ARFGAP1: variants seen among roughly 807,000 people sequenced by gnomAD.
ARFGAP1 encodes the protein ADP-ribosylation factor GTPase-activating protein 1.
ARFGAP1 carries 26 observed loss-of-function variants against 54.0 expected under a neutral mutation model. The ratio of observed to expected loss-of-function variants is 0.48; its 90% CI spans 0.35 to 0.67. ARFGAP1 has a LOEUF of 0.67. ARFGAP1 is among the 30% of genes least tolerant of loss of function. The pLI, the probability that ARFGAP1 is intolerant of heterozygous loss-of-function variation, is 0.00. For synonymous variants in ARFGAP1, 248 were observed against 211.9 expected, an observed-to-expected ratio of 1.17 and a Z score of -1.48; for missense variants, 525 against 535.8, an observed-to-expected ratio of 0.98 and a Z score of 0.20.
chr20:63,280,744 G>A (rs1358262108), intron 7 of ARFGAP1, among the ~76,000 whole-genome samples: 2 of 152,230 alleles, frequency 1.3e-5, no homozygotes, highest in Non-Finnish European at 2.9e-5. Flanking sequence ...GCTGCTCTCT[G>A]GGGAAGGCAG....
At position 63,288,310 on chromosome 20, in the gene ARFGAP1, TTC is replaced by T. The variant is rs1435079387; in HGVS notation, c.*439_*440del. 6.6e-5 allele frequency: 31 copies of T among 466,246 alleles called. No homozygotes were observed. The highest frequency in any genetic ancestry group is 5.1e-5 in the Non-Finnish European group (12 of 234,054). 28.9% of individuals were successfully genotyped at this position (466,246 alleles called of 1,614,324 possible). On this transcript the variant is annotated 3_prime_UTR_variant, in exon 13 of 13. Transcript: ENST00000370283. ...ATATTTAACTTTGGTTTTGCTCTAG[TTC>T]TTTCTTTTTGAAGAGAGTGACTGGA...
At chr20:63,278,792 G>A in intron 6 of ARFGAP1, 107 bp from the exon 7 acceptor site, 1 of 993,190 alleles carries the variant, frequency 1.0e-6, no homozygotes. Flanking sequence ...TGGGGACGTT[G>A]GCACGTCCCC....
Position 63,276,873 on chromosome 20 carries a change from G to A in ARFGAP1, c.342+222G>A, listed in dbSNP as rs2067249372. 2 of 571,436 alleles carry A rather than the reference G, an allele frequency of 3.5e-6. No homozygotes were observed. The highest frequency in any genetic ancestry group is 6.1e-6 in the Non-Finnish European group (2 of 326,514). 35.4% of individuals were successfully genotyped at this position (571,436 alleles called of 1,614,324 possible). ...ACAGACCTTCCCCGCCTCCAGGGGA[G>A]AAAGCAGCTGTGACCGTTTATTGCC... is the stretch of plus-strand genomic sequence containing the variant. On this transcript the variant is annotated intron_variant, in intron 4 of 12. Transcript: ENST00000370283. This position sits in a 1 kb window ranked among gnomAD's most constrained non-coding sequence, Gnocchi z 5.2.
At chr20:63,286,196 G>C in intron 11 of ARFGAP1, 170 bp from the exon 12 acceptor site, 1 of 1,549,482 alleles carries the variant, frequency 6.5e-7, no homozygotes, top group Non-Finnish European at 8.7e-7. Flanking sequence ...CACCGCTGCA[G>C]AGTGGCCGGG....
intron 9 of ARFGAP1, chr20:63,284,355 A>T: frequency 9.4e-7 from 1 of 1,066,222 alleles, no homozygotes; most frequent in Non-Finnish European, 1.1e-6. Flanking sequence ...CTCACACCAC[A>T]TCCCCAGGTG....
chr20:63,276,471 G>A lies in ARFGAP1; in HGVS notation c.171-9G>A. The A allele has an allele frequency of 6.2e-7, 1 of 1,607,174 alleles. No homozygotes were observed. The highest frequency in any genetic ancestry group is 8.5e-7 in the Non-Finnish European group (1 of 1,175,910). ...TGCTGGTTGATCTGCTCGATCCTCT[G>A]CTTTCCAGCTTTGTGCGCTCTGTTA... is the stretch of plus-strand genomic sequence containing the variant. On this transcript the variant is annotated splice_polypyrimidine_tract_variant and intron_variant, in intron 3 of 12. Coordinates refer to ENST00000370283, the MANE Select transcript of ARFGAP1 (RefSeq NM_018209.4). This position sits in a 1 kb window ranked among gnomAD's most constrained non-coding sequence, Gnocchi z 5.2.
chr20:63,274,263 G>A (rs1241211495), intron 1 of ARFGAP1: 1 of 127,368 alleles, frequency 7.9e-6, no homozygotes, highest in Non-Finnish European at 1.6e-5. Flanking sequence ...GTCAATACTA[G>A]GAGTCATGGG....
chr20:63,284,581 C>T (rs954097771), intron 9 of ARFGAP1: 1 of 1,297,190 alleles, frequency 7.7e-7, no homozygotes, highest in Non-Finnish European at 9.9e-7. Context: ...TTCCCACCAG[C>T]CCGGCCCGGC....
rs1163743421 is a variant in ARFGAP1 at position 63,286,389 on chromosome 20, A to T, written c.858A>T (p.Gly286=). ...AGGTCCAGGGAGTCGGTAGTAAGGG[A>T]TGGCGGGACGTCACCACCTTTTTTT... ...ASKVQGVGSK[G]WRDVTTFFSG... The change falls in exon 12 of 13, where the codon GGA becomes GGT. Residue 286 remains glycine, a synonymous_variant. Transcript: ENST00000370283. The T allele has an allele frequency of 6.2e-7, 1 of 1,613,298 alleles. No homozygotes were observed. The highest frequency in any genetic ancestry group is 1.3e-5 in the African/African-American group (1 of 74,910).
rs546693393 is a variant in ARFGAP1 at position 63,287,921 on chromosome 20, G to A, written c.*48G>A. ...AGCGCCCCCGGGCGACTTCGTGTTT[G>A]CACTCTGCCCTCGTCGTTCCTCCTC... On this transcript the variant is annotated 3_prime_UTR_variant, in exon 13 of 13. Transcript: ENST00000370283. The A allele has an allele frequency of 8.2e-4, 1,192 of 1,458,376 alleles. No homozygotes were observed. The highest frequency in any genetic ancestry group is 1.0e-3 in the Non-Finnish European group (1,108 of 1,104,294). The allele number at this position is 1,458,376 out of a possible 1,614,324, so 90.3% of individuals were successfully genotyped here.
intron 9 of ARFGAP1, chr20:63,283,223 C>T: frequency 3.0e-6 from 1 of 332,068 alleles, no homozygotes; most frequent in Non-Finnish European, 5.6e-6. Flanking sequence ...CTGCGGCACA[C>T]TGGACGCGTC....
intron 1 of ARFGAP1, among the ~76,000 whole-genome samples, chr20:63,275,064 G>A (rs959972332): frequency 1.3e-5 from 2 of 152,192 alleles, no homozygotes; most frequent in Non-Finnish European, 1.5e-5. Context: ...TCCAGGCAGC[G>A]GGGCACAGGC....
rs756165499 is a variant in ARFGAP1, at chr20:63,286,445, A to G, written c.911+3A>G. ...AAAGCAGAGGGCCCCTTGGACAGGT[A>G]TGCTGTGTCCCCTCCTGGGCCTTGC... On this transcript the variant is annotated splice_donor_region_variant and intron_variant, in intron 12 of 12. Transcript: ENST00000370283. 5.0e-6 allele frequency: 8 copies of G among 1,612,876 alleles called. No homozygotes were observed. Among genetic ancestry groups the G allele is most frequent in the Non-Finnish European group, 6.8e-6 (8 of 1,179,804 alleles).
At chr20:63,285,259 C>T (rs968409023) in intron 10 of ARFGAP1, among the ~76,000 whole-genome samples, 6 of 152,156 alleles carry the variant, frequency 3.9e-5, no homozygotes, top group Non-Finnish European at 8.8e-5. Flanking sequence ...CAGCTGGCCG[C>T]GGAGCTGTGC....
chr20:63,285,451 A>G (rs756547979), intron 10 of ARFGAP1: 1 of 617,408 alleles, frequency 1.6e-6, no homozygotes, highest in Non-Finnish European at 2.9e-6. Context: ...CCACGTTTGC[A>G]GACACCAGGC....
In ARFGAP1 at chr20:63,286,545, A is replaced by G. The variant is rs531518001; in HGVS notation, c.911+103A>G. 2.5e-4 allele frequency: 300 copies of G among 1,192,640 alleles called. 1 individual carries two copies. In the African/African-American group the frequency reaches 4.1e-3, roughly 16 times the overall value. The allele number at this position is 1,192,640 out of a possible 1,614,324, so 73.9% of individuals were successfully genotyped here. A position where few individuals can be genotyped will look rare whatever the true frequency, so the allele number is the denominator to read the frequency against. ...GGCTGGCATCCTTGCTGGGGAGGGA[A>G]GGGGCACTGTGGAGGCTCTCCGGGA... On this transcript the variant is annotated intron_variant, in intron 12 of 12. Coordinates refer to ENST00000370283, the MANE Select transcript of ARFGAP1 (RefSeq NM_018209.4).
chr20:63,279,048 G>A (rs2123243209), intron 7 of ARFGAP1, 53 bp downstream of exon 7: 1 of 1,570,946 alleles, frequency 6.4e-7, no homozygotes, highest in Non-Finnish European at 8.7e-7. Context: ...CGCCCTGAGG[G>A]CACGACGGGC....
chr20:63,277,142 A>G, intron 4 of ARFGAP1, 63 bp from the exon 5 acceptor site: 1 of 1,455,832 alleles, frequency 6.9e-7, no homozygotes, highest in Non-Finnish European at 9.4e-7. Context: ...GCTGGAGTCG[A>G]CGGTGCCCGA....
intron 9 of ARFGAP1, chr20:63,283,743 C>G (rs1475770063): frequency 8.1e-6 from 10 of 1,234,848 alleles, no homozygotes; most frequent in Admixed American, 1.9e-5. Context: ...CTGCCCGGTG[C>G]TGCCTTAGTG....
Sources: allele counts gnomAD v4.1 joint callset (sites outside exome capture counted in the v4.1 genomes callset), GRCh38; gene constraint gnomAD v4.1.1; non-coding constraint Gnocchi (gnomAD v3.1); transcripts MANE v1.5; gene names NCBI Gene and HGNC (gene_info 2026-07-23, HGNC 2026-07-21).